Variants in MAP4K5 observed in about 807,000 individuals in gnomAD.
MAP4K5 encodes mitogen-activated protein kinase kinase kinase kinase 5.
In MAP4K5, 82 loss-of-function variants were observed where a neutral mutation model predicts 135.6. The ratio of observed to expected loss-of-function variants is 0.60; its 90% CI spans 0.51 to 0.73. The LOEUF is 0.73. Among genes scored for constraint, MAP4K5 ranks in the 30% least tolerant of loss-of-function variants. The probability of loss-of-function intolerance (pLI) is 0.00; values close to 1 mark genes in which losing one functional copy is unlikely to be tolerated. For synonymous variants in MAP4K5, 347 were observed against 335.0 expected (o/e 1.04, Z -0.39); for missense variants, 907 against 1,010.9 (o/e 0.90, Z 1.39).
At chr14:50,545,824 C>T (rs969002307) in intron 1 of MAP4K5, among the ~76,000 whole-genome samples, 6 of 152,272 alleles carry the variant, frequency 3.9e-5, no homozygotes, top group Non-Finnish European at 5.9e-5. Flanking sequence ...TTTTCTAGGA[C>T]GCCAGCTGGT....
In MAP4K5 at chr14:50,423,148, C is replaced by T. The variant is rs1480388583; in HGVS notation, c.2426G>A (p.Arg809Lys). 6.4e-7 allele frequency: 1 copy of T among 1,574,240 alleles called. No homozygotes were observed. The highest frequency in any genetic ancestry group is 1.1e-5 in the South Asian group (1 of 87,618). ...GTCTGATCCTAATAAGCGGAAAACT[C>T]TTGTTTCATCTGAAATCTCCTGGGT... is the stretch of plus-strand genomic sequence containing the variant. ...EVTQEISDET[R>K]VFRLLGSDRV... is the part of the protein sequence containing the mutation. Residue 809 changes from arginine (R) to lysine (K), a missense_variant, in exon 32 of 33, where the codon AGA becomes AAA. This residue lies in a region of MAP4K5 where 690 missense variants were observed against 777.4 expected (regional missense o/e 0.89). Coordinates refer to ENST00000682126, the MANE Select transcript of MAP4K5 (RefSeq NM_006575.6).
At chr14:50,487,911 C>T (rs1030000816) in intron 3 of MAP4K5, among the ~76,000 whole-genome samples, 8 of 152,060 alleles carry the variant, frequency 5.3e-5, no homozygotes, top group Admixed American at 2.0e-4. Flanking sequence ...CTCAAACTGG[C>T]TAAATTCTAG....
chr14:50,424,611 G>A (rs1055687770), intron 31 of MAP4K5, among the ~76,000 whole-genome samples: 1 of 151,128 alleles, frequency 6.6e-6, no homozygotes, highest in East Asian at 1.9e-4. Context: ...TCAGGAGGCC[G>A]AGGCAGGAGA....
intron 2 of MAP4K5, among the ~76,000 whole-genome samples, chr14:50,508,667 T>C (rs938311826): frequency 2.0e-5 from 3 of 151,864 alleles, no homozygotes; most frequent in African/African-American, 7.3e-5. Flanking sequence ...TATACATATG[T>C]AACAAATCTG....
chr14:50,446,997 A>T (rs2036368437), intron 16 of MAP4K5, among the ~76,000 whole-genome samples: 1 of 152,158 alleles, frequency 6.6e-6, no homozygotes, highest in African/African-American at 2.4e-5. Context: ...GTATAGGCCT[A>T]ATGTGGGAAC....
In MAP4K5 at chr14:50,418,705, CTGAA is replaced by C. The variant is rs1202241181; in HGVS notation, c.*1310_*1313del. The C allele has an allele frequency of 1.3e-5, 2 of 152,332 alleles. No individual in the cohort carries two copies. The highest frequency in any genetic ancestry group is 1.3e-4 in the Admixed American group (2 of 15,278). 9.4% of individuals were successfully genotyped at this position (152,332 alleles called of 1,614,324 possible). On this transcript the variant is annotated 3_prime_UTR_variant, in exon 33 of 33. Transcript: ENST00000682126. ...ACTTATTTTACAGAATTGCTAAATACTGAATGAGATACTTATACTGTTTTCCTCT... is the reference window on the plus strand; with the variant it reads ...ACTTATTTTACAGAATTGCTAAATACTGAGATACTTATACTGTTTTCCTCT...
At chr14:50,485,784 T>C (rs778595996) in intron 4 of MAP4K5, 142 bp from the exon 5 acceptor site, 6 of 587,630 alleles carry the variant, frequency 1.0e-5, no homozygotes, top group South Asian at 2.5e-5. Context: ...CTTGCTACAA[T>C]ATACAGAAAA....
At chr14:50,502,846 CT>C (rs1417803598) in intron 3 of MAP4K5, among the ~76,000 whole-genome samples, 1 of 151,972 alleles carries the variant, frequency 6.6e-6, no homozygotes, top group Non-Finnish European at 1.5e-5. Context: ...ATAGTAATGG[CT>C]TTGGGAAACT....
upstream of MAP4K5, among the ~76,000 whole-genome samples, chr14:50,537,387 C>A (rs1256324670): frequency 6.6e-6 from 1 of 152,182 alleles, no homozygotes; most frequent in African/African-American, 2.4e-5. Context: ...AGGGGTAGTG[C>A]CCTCACGGAG....
At chr14:50,447,524 G>T in intron 15 of MAP4K5, 43 bp from the exon 16 acceptor site, 3 of 1,051,656 alleles carry the variant, frequency 2.9e-6, no homozygotes, top group Non-Finnish European at 4.2e-6. Flanking sequence ...CTTTGTAACA[G>T]GTATTAACCA....
chr14:50,454,800 G>GTT (rs113861173), intron 14 of MAP4K5, among the ~76,000 whole-genome samples: 1 of 150,752 alleles, frequency 6.6e-6, no homozygotes, highest in East Asian at 1.9e-4. Context: ...GAATTTTTCT[G>GTT]TTTTTTTTTA....
chr14:50,423,363 C>T (rs2035775670), intron 31 of MAP4K5, among the ~76,000 whole-genome samples, 187 bp from the exon 32 acceptor site: 1 of 150,944 alleles, frequency 6.6e-6, no homozygotes, highest in Non-Finnish European at 1.5e-5. Flanking sequence ...ATTTATGGAA[C>T]ATCTAGTATG....
At chr14:50,462,808 T>C (rs757498435) in intron 12 of MAP4K5, 27 bp from the exon 13 acceptor site, 4 of 1,296,676 alleles carry the variant, frequency 3.1e-6, no homozygotes, top group African/African-American at 1.5e-5. Context: ...TGAAATTTCA[T>C]GAGTATGCCT....
chr14:50,466,403 A>AAAAT (rs1433337490), intron 11 of MAP4K5, among the ~76,000 whole-genome samples, 180 bp downstream of exon 11: 5 of 151,452 alleles, frequency 3.3e-5, no homozygotes, highest in African/African-American at 1.2e-4. Context: ...AAAAAAAAAA[A>AAAAT]AACTACCAGA....
chr14:50,482,921 G>A (rs1331286710), intron 5 of MAP4K5: 1 of 152,866 alleles, frequency 6.5e-6, no homozygotes, highest in East Asian at 1.9e-4. Context: ...AGGTAACACT[G>A]AGAATTTTTT....
chr14:50,435,814 C>T (rs1316560216), intron 26 of MAP4K5, among the ~76,000 whole-genome samples: 1 of 152,016 alleles, frequency 6.6e-6, no homozygotes, highest in Non-Finnish European at 1.5e-5. Context: ...ATTCATATTG[C>T]TCTTTCCTTC....
At chr14:50,467,719 A>T (rs2036863987) in intron 10 of MAP4K5, among the ~76,000 whole-genome samples, 1 of 152,124 alleles carries the variant, frequency 6.6e-6, no homozygotes, top group African/African-American at 2.4e-5. Context: ...GCCCATAACA[A>T]ATAACATCAA....
intron 16 of MAP4K5, among the ~76,000 whole-genome samples, chr14:50,446,827 T>C (rs545782319): frequency 2.0e-5 from 3 of 152,352 alleles, no homozygotes; most frequent in South Asian, 2.1e-4. Flanking sequence ...CTAATAAGCA[T>C]AGTTATATTC....
intron 26 of MAP4K5, among the ~76,000 whole-genome samples, chr14:50,436,698 G>A (rs954248059): frequency 6.6e-6 from 1 of 152,056 alleles, no homozygotes; most frequent in African/African-American, 2.4e-5. Flanking sequence ...TCTGGACATC[G>A]AGGCTCGAAT....
Sources: gnomAD v4.1 joint callset for allele counts (sites outside exome capture counted in the v4.1 genomes callset) on GRCh38, gnomAD v4.1.1 for gene constraint, gnomAD v4.1.1 regional missense constraint, MANE v1.5 for transcripts, NCBI Gene and HGNC (gene_info 2026-07-23, HGNC 2026-07-21) for gene names.